The following ATP10A variants were observed in gnomAD, a reference collection of about 807,000 sequenced individuals.
The protein encoded by ATP10A is phospholipid-transporting ATPase VA.
Under a neutral mutation model 147.8 loss-of-function variants are expected in ATP10A, and 111 were observed. The observed-to-expected ratio is 0.75, with a 90% CI of 0.64 to 0.88. The LOEUF (loss-of-function observed/expected upper bound fraction) is 0.88. Ranked by LOEUF, ATP10A falls within the 40% of genes least tolerant of loss-of-function variation. ATP10A has a pLI of 0.00. For missense variants in ATP10A, 1,927 were observed against 1,959.0 expected (o/e 0.98, Z 0.31); for synonymous variants, 875 against 841.6 (o/e 1.04, Z -0.69).
intron 10 of ATP10A, among the ~76,000 whole-genome samples, chr15:25,712,825 C>T (rs1361493474): frequency 6.6e-6 from 1 of 152,148 alleles, no homozygotes. Context: ...GTGATGGGGA[C>T]ATGGATTTCC....
chr15:25,739,932 G>A (rs1360565415), intron 2 of ATP10A, among the ~76,000 whole-genome samples: 2 of 152,170 alleles, frequency 1.3e-5, no homozygotes, highest in African/African-American at 4.8e-5. Flanking sequence ...GCAGCAGCAG[G>A]TGCTCCAGGG....
At chr15:25,839,205 T>A (rs1298878210) in intron 1 of ATP10A, among the ~76,000 whole-genome samples, 1 of 152,214 alleles carries the variant, frequency 6.6e-6, no homozygotes, top group Non-Finnish European at 1.5e-5. Context: ...GGATAATATG[T>A]AACTCCAGCG....
At chr15:25,791,786 T>A (rs1329351481) in intron 1 of ATP10A, among the ~76,000 whole-genome samples, 1 of 152,206 alleles carries the variant, frequency 6.6e-6, no homozygotes, top group Non-Finnish European at 1.5e-5. Flanking sequence ...GTCTTTTGCT[T>A]TGGAAATATT....
intron 2 of ATP10A, among the ~76,000 whole-genome samples, chr15:25,776,200 A>C (rs1889596918): frequency 6.6e-6 from 1 of 152,248 alleles, no homozygotes; most frequent in African/African-American, 2.4e-5. Context: ...CAAATGAACT[A>C]GAAACTGCTA....
chr15:25,856,654 T>C (rs1893530833), intron 1 of ATP10A, among the ~76,000 whole-genome samples: 1 of 152,152 alleles, frequency 6.6e-6, no homozygotes, highest in Non-Finnish European at 1.5e-5. Flanking sequence ...TCAATGGATA[T>C]AGGCAATGAT....
intron 2 of ATP10A, among the ~76,000 whole-genome samples, chr15:25,771,875 C>T (rs1889355300): frequency 6.6e-6 from 1 of 151,978 alleles, no homozygotes; most frequent in Admixed American, 6.6e-5. Context: ...GCCTCAGCCT[C>T]CCAAGGAGCT....
In ATP10A at chr15:25,747,810, G is replaced by T. The variant is rs112044244; in HGVS notation, c.655-11669C>A. ...CCAGTAAATTTGCCAAAAATGTGAG[G>T]AAGAAATAACATTCACTTACATAAA... is the stretch of plus-strand genomic sequence containing the variant. On this transcript the variant is annotated intron_variant, in intron 2 of 20. Transcript: ENST00000555815. 8.2e-3 allele frequency among the ~76,000 whole-genome samples: 1,246 copies of T among 152,242 alleles called. 15 individuals are homozygous for T. The highest frequency in any genetic ancestry group is 0.013 in the Non-Finnish European group (869 of 68,018).
At chr15:25,813,663 T>C (rs763680680) in intron 1 of ATP10A, among the ~76,000 whole-genome samples, 18 of 152,132 alleles carry the variant, frequency 1.2e-4, no homozygotes, top group East Asian at 5.8e-4. Flanking sequence ...TTAAGTTACA[T>C]AGAGACATGG....
chr15:25,828,447 T>G (rs1892211662), intron 1 of ATP10A, among the ~76,000 whole-genome samples: 1 of 152,200 alleles, frequency 6.6e-6, no homozygotes, highest in Non-Finnish European at 1.5e-5. Context: ...CTAAGTAGGC[T>G]CTTGGAATGA....
chr15:25,784,695 C>A (rs558037157), intron 1 of ATP10A, among the ~76,000 whole-genome samples: 1 of 152,082 alleles, frequency 6.6e-6, no homozygotes, highest in Admixed American at 6.5e-5. Flanking sequence ...GAGGCCAAGA[C>A]GGGCGGATCA....
chr15:25,703,525 T>G (rs1364884663), intron 12 of ATP10A, among the ~76,000 whole-genome samples: 1 of 152,140 alleles, frequency 6.6e-6, no homozygotes, highest in Admixed American at 6.5e-5. Context: ...CTCTAAGAAG[T>G]AAATGTCTGT....
rs115621368 is a variant in ATP10A at position 25,849,046 on chromosome 15, G to C, written c.449+13602C>G. Among the ~76,000 whole-genome samples, 696 of 152,166 alleles carry C rather than the reference G, an allele frequency of 4.6e-3. 11 individuals are homozygous for C. Among genetic ancestry groups the C allele is most frequent in the African/African-American group, 0.016 (661 of 41,540 alleles). ...CGTCCTAGGAGGCAGAGACCTTGGT[G>C]AGAGGAGGGAGAGTCTTTTCTGTGC... is the stretch of plus-strand genomic sequence containing the variant. On this transcript the variant is annotated intron_variant, in intron 1 of 20. Transcript: ENST00000555815.
At chr15:25,724,170 AC>A (rs1902410335) in intron 5 of ATP10A, 149 bp from the exon 6 acceptor site, 15 of 839,942 alleles carry the variant, frequency 1.8e-5, no homozygotes, top group Admixed American at 3.3e-5. Context: ...GAAAGCGAAA[AC>A]ACAATGTTCT....
At position 25,723,934 on chromosome 15, in the gene ATP10A, G is replaced by C; in HGVS notation, c.1067C>G (p.Thr356Arg). Reference protein sequence around the residue: ...KSDGSSLSPVTAAVYSFLTMI... With the variant: ...KSDGSSLSPVRAAVYSFLTMI... ...TGTTAAAAATGAGTAAACTGCAGCT[G>C]TGACTGGGGATAAGGAGCTTCCATC... Residue 356 changes from threonine to arginine, a missense_variant, in exon 6 of 21, where the codon ACA (threonine) becomes AGA (arginine). Transcript: ENST00000555815. 1 of 1,610,412 alleles carries C rather than the reference G, an allele frequency of 6.2e-7. No homozygotes were observed. The highest frequency in any genetic ancestry group is 1.1e-5 in the South Asian group (1 of 90,008).
At chr15:25,810,905 C>T (rs1302181279) in intron 1 of ATP10A, among the ~76,000 whole-genome samples, 6 of 152,150 alleles carry the variant, frequency 3.9e-5, no homozygotes, top group Admixed American at 3.9e-4. Flanking sequence ...GGTGTAACCA[C>T]AGCCTTACAA....
downstream of ATP10A, among the ~76,000 whole-genome samples, chr15:25,676,646 G>A (rs1000181288): frequency 1.2e-4 from 18 of 152,094 alleles, no homozygotes; most frequent in African/African-American, 4.1e-4. Flanking sequence ...TCACTTGGGC[G>A]ATTCTCATGT....
intron 16 of ATP10A, among the ~76,000 whole-genome samples, chr15:25,686,020 G>C (rs974501427): frequency 6.6e-6 from 1 of 152,056 alleles, no homozygotes; most frequent in African/African-American, 2.4e-5. Flanking sequence ...TGCCAGGGCT[G>C]GGAGAAAGGA....
intron 2 of ATP10A, among the ~76,000 whole-genome samples, chr15:25,774,690 T>A (rs1272819985): frequency 2.7e-5 from 4 of 150,116 alleles, no homozygotes; most frequent in Non-Finnish European, 4.4e-5. Flanking sequence ...CACCAGAATT[T>A]AAAAAAAAAA....
intron 2 of ATP10A, among the ~76,000 whole-genome samples, chr15:25,759,482 G>C (rs1888636472): frequency 6.6e-6 from 1 of 152,110 alleles, no homozygotes. Flanking sequence ...GTTAGAACAA[G>C]GTTTTCTTGG....
Sources: gnomAD v4.1 joint callset for allele counts (sites outside exome capture counted in the v4.1 genomes callset) on GRCh38, gnomAD v4.1.1 for gene constraint, MANE v1.5 for transcripts, NCBI Gene and HGNC (gene_info 2026-07-23, HGNC 2026-07-21) for gene names.